The following PLCB1 variants were observed in gnomAD, a reference collection of about 807,000 sequenced individuals.
The protein encoded by PLCB1 is phospholipase C beta 1, also known as 1-phosphatidylinositol 4,5-bisphosphate phosphodiesterase beta-1.
A neutral mutation model predicts 161.8 loss-of-function variants in PLCB1; 46 were observed. That is an observed-to-expected ratio of 0.28 (90% CI 0.22 to 0.36). The LOEUF (loss-of-function observed/expected upper bound fraction) is 0.36, where lower values mean the gene tolerates loss of function less well. PLCB1 is among the 10% of genes least tolerant of loss of function. The pLI is 1.00. For synonymous variants in PLCB1, 517 were observed against 503.7 expected (o/e 1.03, Z -0.35); for missense variants, 1,016 against 1,472.5 (o/e 0.69, Z 5.07).
At chr20:8,516,167 A>T (rs1308172988) in intron 3 of PLCB1, among the ~76,000 whole-genome samples, 2 of 152,168 alleles carry the variant, frequency 1.3e-5, no homozygotes, top group African/African-American at 2.4e-5. Flanking sequence ...TATGGGAGCT[A>T]CAATTCTAGA....
chr20:8,559,531 A>C (rs893188310), intron 3 of PLCB1, among the ~76,000 whole-genome samples: 1 of 152,000 alleles, frequency 6.6e-6, no homozygotes, highest in Non-Finnish European at 1.5e-5. Flanking sequence ...TGTCAGATTA[A>C]AAAACAACAA....
intron 13 of PLCB1, among the ~76,000 whole-genome samples, chr20:8,716,662 G>A (rs1009283152): frequency 2.6e-5 from 4 of 152,100 alleles, no homozygotes; most frequent in African/African-American, 9.7e-5. Context: ...TCACTCCCAG[G>A]GAACCTCGTC....
Position 8,590,631 on chromosome 20 carries a change from G to C in PLCB1, c.247-37663G>C, listed in dbSNP as rs555284900. On this transcript the variant is annotated intron_variant, in intron 3 of 31. Transcript: ENST00000338037. ...GTGCATTTCTTCCTGGAGGCCCTGG[G>C]GGAAAATCTGTTTCCTCACCTTTTC... Among the ~76,000 whole-genome samples the C allele has an allele frequency of 4.6e-5, 7 of 152,190 alleles. No individual in the cohort carries two copies. The South Asian group carries it at 1.2e-3, about 27-fold the overall frequency.
At chr20:8,342,080 G>A (rs918935135) in intron 2 of PLCB1, among the ~76,000 whole-genome samples, 1 of 152,144 alleles carries the variant, frequency 6.6e-6, no homozygotes, top group Non-Finnish European at 1.5e-5. Context: ...ATCTTTAAAG[G>A]TACCACCTGG....
At chr20:8,857,508 G>A (rs188809126) in intron 31 of PLCB1, among the ~76,000 whole-genome samples, 1 of 152,266 alleles carries the variant, frequency 6.6e-6, no homozygotes, top group African/African-American at 2.4e-5. Context: ...CAGATCTGCT[G>A]TGAACATGCC....
intron 31 of PLCB1, among the ~76,000 whole-genome samples, chr20:8,826,638 T>C (rs1195271523): frequency 6.6e-6 from 1 of 152,300 alleles, no homozygotes; most frequent in Admixed American, 6.5e-5. Flanking sequence ...TAACTTAAAC[T>C]TCTTCTCTAT....
intron 2 of PLCB1, among the ~76,000 whole-genome samples, chr20:8,261,329 T>C (rs1244569931): frequency 1.3e-5 from 2 of 152,136 alleles, no homozygotes; most frequent in Non-Finnish European, 2.9e-5. Flanking sequence ...GACATGTTAC[T>C]ACTTTAACAA....
At chr20:8,651,938 T>C (rs1989333446) in intron 7 of PLCB1, 1 of 157,504 alleles carries the variant, frequency 6.3e-6, no homozygotes, top group African/African-American at 2.4e-5. Context: ...GCAAAGAATT[T>C]TTTTCCTTTT....
rs758652583 is a variant in PLCB1, at chr20:8,658,526, C to T, written c.696-12C>T. 1 of 1,563,674 alleles carries T rather than the reference C, an allele frequency of 6.4e-7. No individual in the cohort carries two copies. Among genetic ancestry groups the T allele is most frequent in the Non-Finnish European group, 8.6e-7 (1 of 1,159,230 alleles). On this transcript the variant is annotated splice_polypyrimidine_tract_variant and intron_variant, in intron 8 of 31. Transcript: ENST00000338037. Reference sequence around the variant, plus strand: ...AAAAAATTCTTATTGCTTGGTTTTTCATTGTTTTTAGTGGTGCAAAAAGCA... The same window carrying T: ...AAAAAATTCTTATTGCTTGGTTTTTTATTGTTTTTAGTGGTGCAAAAAGCA...
At chr20:8,405,685 C>T (rs1978755424) in intron 3 of PLCB1, among the ~76,000 whole-genome samples, 1 of 152,170 alleles carries the variant, frequency 6.6e-6, no homozygotes, top group South Asian at 2.1e-4. Flanking sequence ...CCCTGTTAGA[C>T]TTCAGCATAT....
chr20:8,819,178 C>T (rs1396629784), intron 31 of PLCB1, among the ~76,000 whole-genome samples: 4 of 152,108 alleles, frequency 2.6e-5, no homozygotes, highest in African/African-American at 9.7e-5. Context: ...GCAGCTTTAA[C>T]ATTGGCACAA....
rs778662535 is a variant in PLCB1, at chr20:8,790,172, T to C, written c.3337-3T>C. ...AGTAATGTTTCTTGTAACTTTCTTA[T>C]AGCTAGAAGAAGCGCAAAGTAAACG... On this transcript the variant is annotated splice_region_variant and splice_polypyrimidine_tract_variant and intron_variant, in intron 30 of 31. Transcript: ENST00000338037. 1.9e-6 allele frequency: 3 copies of C among 1,601,512 alleles called. No homozygotes were observed. The highest frequency in any genetic ancestry group is 1.7e-5 in the Admixed American group (1 of 59,758).
intron 2 of PLCB1, among the ~76,000 whole-genome samples, chr20:8,278,031 A>G (rs6133567): frequency 0.33 from 49,479 of 151,638 alleles, 8,375 homozygotes; most frequent in East Asian, 0.42. Context: ...ATGTACAGAA[A>G]TGTTCATTGC....
intron 31 of PLCB1, among the ~76,000 whole-genome samples, chr20:8,859,446 T>A (rs542735701): frequency 6.6e-6 from 1 of 152,304 alleles, no homozygotes; most frequent in South Asian, 2.1e-4. Context: ...GGGCCTGAAG[T>A]GATACTACTG....
At chr20:8,536,874 G>A (rs995389590) in intron 3 of PLCB1, among the ~76,000 whole-genome samples, 1 of 152,302 alleles carries the variant, frequency 6.6e-6, no homozygotes, top group African/African-American at 2.4e-5. Flanking sequence ...GGAAGGGCTT[G>A]ATGGAAGCCT....
At chr20:8,434,372 C>CA (rs1980206139) in intron 3 of PLCB1, among the ~76,000 whole-genome samples, 2 of 151,706 alleles carry the variant, frequency 1.3e-5, no homozygotes, top group Admixed American at 1.3e-4. Context: ...TAGCAGAGGA[C>CA]AAAATCATAA....
chr20:8,488,731 T>C (rs1354413342), intron 3 of PLCB1, among the ~76,000 whole-genome samples: 1 of 152,238 alleles, frequency 6.6e-6, no homozygotes, highest in East Asian at 1.9e-4. Context: ...TTTAGAATTT[T>C]CATGTTTCTT....
At chr20:8,165,491 C>G (rs2123058222) in intron 2 of PLCB1, among the ~76,000 whole-genome samples, 1 of 152,324 alleles carries the variant, frequency 6.6e-6, no homozygotes, top group South Asian at 2.1e-4. Context: ...TTCTGTTCTT[C>G]TGGAATACCT....
intron 3 of PLCB1, among the ~76,000 whole-genome samples, chr20:8,545,974 C>G (rs963282469): frequency 1.3e-5 from 2 of 152,114 alleles, no homozygotes; most frequent in Non-Finnish European, 2.9e-5. Flanking sequence ...ATATTGTGTT[C>G]TTTGTATGCC....
Sources: allele counts gnomAD v4.1 joint callset (sites outside exome capture counted in the v4.1 genomes callset), GRCh38; gene constraint gnomAD v4.1.1; transcripts MANE v1.5; gene names NCBI Gene and HGNC (gene_info 2026-07-23, HGNC 2026-07-21).